The following DLGAP1 variants were observed in gnomAD, a reference collection of about 807,000 sequenced individuals.
DLGAP1 encodes disks large-associated protein 1.
DLGAP1 carries 11 observed loss-of-function variants against 90.8 expected under a neutral mutation model. The ratio of observed to expected loss-of-function variants is 0.12; its 90% CI spans 0.08 to 0.20. The LOEUF (loss-of-function observed/expected upper bound fraction) is 0.20, where lower values mean the gene tolerates loss of function less well. DLGAP1 is among the 10% of genes least tolerant of loss of function. The probability of loss-of-function intolerance (pLI) is 1.00; values close to 1 mark genes in which losing one functional copy is unlikely to be tolerated. For missense variants in DLGAP1, 1,050 were observed against 1,333.8 expected, an observed-to-expected ratio of 0.79 and a Z score of 3.31; for synonymous variants, 558 against 540.7, an observed-to-expected ratio of 1.03 and a Z score of -0.44.
chr18:3,636,727 T>G (rs2058730423), intron 7 of DLGAP1, among the ~76,000 whole-genome samples: 1 of 30,624 alleles, frequency 3.3e-5, no homozygotes, highest in African/African-American at 7.6e-4. Context: ...CTTTTACATC[T>G]TTTTTTTTTT....
At chr18:3,760,383 A>C (rs1271600041) in intron 5 of DLGAP1, among the ~76,000 whole-genome samples, 1 of 152,184 alleles carries the variant, frequency 6.6e-6, no homozygotes, top group East Asian at 1.9e-4. Flanking sequence ...GACACCTTTT[A>C]CCTGATATCT....
chr18:3,783,458 A>T (rs900053132), intron 5 of DLGAP1, among the ~76,000 whole-genome samples: 4 of 152,246 alleles, frequency 2.6e-5, no homozygotes, highest in African/African-American at 9.6e-5. Flanking sequence ...GTAAAATACT[A>T]TGCAGCTCTA....
chr18:4,277,161 A>G (rs1169761133), intron 1 of DLGAP1, among the ~76,000 whole-genome samples: 1 of 152,182 alleles, frequency 6.6e-6, no homozygotes, highest in Non-Finnish European at 1.5e-5. Flanking sequence ...CGTGATATAG[A>G]CGACTGTGAG....
At chr18:3,635,119 G>A (rs1314448059) in intron 7 of DLGAP1, among the ~76,000 whole-genome samples, 1 of 150,536 alleles carries the variant, frequency 6.6e-6, no homozygotes, top group Non-Finnish European at 1.5e-5. Flanking sequence ...TCAAGAGTCT[G>A]GTTGTCTGTC....
Position 3,631,902 on chromosome 18 carries a change from G to C in DLGAP1, c.1592-49654C>G, listed in dbSNP as rs190457441. On this transcript the variant is annotated intron_variant, in intron 7 of 12. Transcript: ENST00000315677. ...AGGCTCAAGCGATCATCTTATCTCA[G>C]CCTTCTGAGTAGCTGAGACCACAGG... Among the ~76,000 whole-genome samples, 579 of 151,986 alleles carry C rather than the reference G, an allele frequency of 3.8e-3. 8 individuals carry two copies. Among genetic ancestry groups the C allele is most frequent in the South Asian group, 0.026 (123 of 4,800 alleles).
intron 1 of DLGAP1, among the ~76,000 whole-genome samples, chr18:4,184,489 G>A (rs557803085): frequency 1.3e-5 from 2 of 152,166 alleles, no homozygotes; most frequent in South Asian, 4.1e-4. Flanking sequence ...AAATCCCTCA[G>A]TGTAAACACT....
intron 11 of DLGAP1, among the ~76,000 whole-genome samples, chr18:3,507,336 C>CAAAACAAAACAAAAT (rs1353603710): frequency 5.4e-4 from 81 of 149,022 alleles, no homozygotes; most frequent in Admixed American, 8.0e-4. Flanking sequence ...CAAAACAAAA[C>CAAAACAAAACAAAAT]AAAACAAAAC....
chr18:3,642,014 G>A (rs1160426576), intron 7 of DLGAP1, among the ~76,000 whole-genome samples: 2 of 152,058 alleles, frequency 1.3e-5, no homozygotes, highest in African/African-American at 4.8e-5. Context: ...CTAACACCTG[G>A]GTCCCCTTCT....
chr18:4,208,586 G>C (rs1006569858), intron 1 of DLGAP1, among the ~76,000 whole-genome samples: 2 of 152,198 alleles, frequency 1.3e-5, no homozygotes, highest in Admixed American at 6.5e-5. Flanking sequence ...GATGCTGACT[G>C]TAGTTTGGGA....
rs1238772011 is a variant in DLGAP1, at chr18:3,660,265, T to TCC, written c.1591+68868_1591+68869dup. Among the ~76,000 whole-genome samples, 10 of 152,234 alleles carry TCC rather than the reference T, an allele frequency of 6.6e-5. No homozygotes were observed. The highest frequency in any genetic ancestry group is 1.5e-4 in the Non-Finnish European group (10 of 68,050). On this transcript the variant is annotated intron_variant, in intron 7 of 12. Coordinates refer to ENST00000315677, the MANE Select transcript of DLGAP1 (RefSeq NM_004746.4). The surrounding 1 kb of genome is among the most constrained non-coding windows in gnomAD (Gnocchi z 4.2). The stretch of plus-strand genomic sequence containing the variant: ...TTCAAGCAATCCTCCAGCCTCAGAC[T>TCC]CCCAAGTAGCAGGGACTACAGGTAC...
intron 1 of DLGAP1, among the ~76,000 whole-genome samples, chr18:4,441,838 T>C (rs2083542250): frequency 1.3e-5 from 2 of 152,220 alleles, no homozygotes; most frequent in African/African-American, 4.8e-5. Context: ...CATTTCACTC[T>C]ACGATTCTCG....
At chr18:4,186,155 T>A (rs2077291536) in intron 1 of DLGAP1, among the ~76,000 whole-genome samples, 1 of 152,172 alleles carries the variant, frequency 6.6e-6, no homozygotes, top group Admixed American at 6.5e-5. Context: ...TTGTTTAAGT[T>A]CCGTATAGAT....
intron 10 of DLGAP1, among the ~76,000 whole-genome samples, chr18:3,514,503 G>A (rs2050718426): frequency 6.6e-6 from 1 of 152,086 alleles, no homozygotes; most frequent in African/African-American, 2.4e-5. Flanking sequence ...ACATTTTTCT[G>A]CCACCTACAC....
At chr18:3,762,991 G>T (rs1259183293) in intron 5 of DLGAP1, among the ~76,000 whole-genome samples, 1 of 152,202 alleles carries the variant, frequency 6.6e-6, no homozygotes, top group Non-Finnish European at 1.5e-5. Flanking sequence ...GCCTGGGAAA[G>T]CTTTGGATTG....
intron 5 of DLGAP1, among the ~76,000 whole-genome samples, chr18:3,766,406 C>A (rs1424605183): frequency 6.6e-6 from 1 of 152,068 alleles, no homozygotes; most frequent in Non-Finnish European, 1.5e-5. Context: ...TACCTCCCAA[C>A]AATTGACAGA....
chr18:4,423,060 GAT>G (rs1226058325), intron 1 of DLGAP1, among the ~76,000 whole-genome samples: 3 of 152,080 alleles, frequency 2.0e-5, no homozygotes, highest in Non-Finnish European at 4.4e-5. Context: ...ACAAAATAAT[GAT>G]ATTTTATATA....
At chr18:3,877,978 G>T (rs186185866) in intron 4 of DLGAP1, among the ~76,000 whole-genome samples, 1 of 152,146 alleles carries the variant, frequency 6.6e-6, no homozygotes. Flanking sequence ...CTTGTCCAGG[G>T]ATTGCCAGCT....
intron 7 of DLGAP1, among the ~76,000 whole-genome samples, chr18:3,706,359 C>A (rs956125740): frequency 2.0e-5 from 3 of 152,102 alleles, no homozygotes; most frequent in Non-Finnish European, 2.9e-5. Context: ...GCATTTAATA[C>A]CAGCCCTGAA....
intron 3 of DLGAP1, among the ~76,000 whole-genome samples, chr18:3,994,588 T>C (rs754812175): frequency 1.8e-4 from 27 of 152,300 alleles, no homozygotes; most frequent in Middle Eastern, 3.4e-3. Context: ...TGCCACTATA[T>C]AGAGGACAGC....
Sources: allele counts gnomAD v4.1 joint callset (sites outside exome capture counted in the v4.1 genomes callset), GRCh38; gene constraint gnomAD v4.1.1; non-coding constraint Gnocchi (gnomAD v3.1); transcripts MANE v1.5; gene names NCBI Gene and HGNC (gene_info 2026-07-23, HGNC 2026-07-21).